CNTN5: variants seen among roughly 807,000 people sequenced by gnomAD.
The protein encoded by CNTN5 is contactin-5.
CNTN5 carries 77 observed loss-of-function variants against 129.1 expected under a neutral mutation model. The ratio of observed to expected loss-of-function variants is 0.60; its 90% CI spans 0.50 to 0.72. The LOEUF (loss-of-function observed/expected upper bound fraction) is 0.72. CNTN5 is among the 30% of genes least tolerant of loss of function. The pLI is 0.00. For synonymous variants in CNTN5, 509 were observed against 465.6 expected (o/e 1.09, Z -1.20); for missense variants, 1,478 against 1,328.8 (o/e 1.11, Z -1.75).
intron 3 of CNTN5, among the ~76,000 whole-genome samples, chr11:99,647,325 C>T (rs956413943): frequency 1.3e-5 from 2 of 151,960 alleles, no homozygotes; most frequent in Non-Finnish European, 2.9e-5. Context: ...GTTCTTGGCA[C>T]CTTTGTCAAA....
intron 1 of CNTN5, among the ~76,000 whole-genome samples, chr11:99,032,823 T>G (rs1449769006): frequency 5.4e-5 from 8 of 147,814 alleles, no homozygotes; most frequent in Non-Finnish European, 1.0e-4. Context: ...TTTGGTGTTT[T>G]AGACATGAAG....
intron 6 of CNTN5, among the ~76,000 whole-genome samples, chr11:99,908,827 A>T (rs559093897): frequency 4.1e-4 from 62 of 152,236 alleles, no homozygotes; most frequent in Non-Finnish European, 7.1e-4. Flanking sequence ...TGATGTAATT[A>T]AAAGTGTCTT....
chr11:99,878,879 T>TA (rs1183304262), intron 6 of CNTN5, among the ~76,000 whole-genome samples: 7 of 152,082 alleles, frequency 4.6e-5, no homozygotes, highest in Admixed American at 1.3e-4. Flanking sequence ...TAATTTTTTT[T>TA]AAAAAAAGAT....
intron 13 of CNTN5, among the ~76,000 whole-genome samples, chr11:100,136,138 G>T (rs992057616): frequency 6.6e-6 from 1 of 152,076 alleles, no homozygotes; most frequent in East Asian, 1.9e-4. Flanking sequence ...GCTCAATGAA[G>T]ATCAGATTAA....
At chr11:100,294,545 C>T (rs1325755663) in intron 18 of CNTN5, among the ~76,000 whole-genome samples, 1 of 151,626 alleles carries the variant, frequency 6.6e-6, no homozygotes, top group Non-Finnish European at 1.5e-5. Flanking sequence ...TATGTATAAA[C>T]TTGATTCTCT....
intron 18 of CNTN5, among the ~76,000 whole-genome samples, chr11:100,287,390 C>G (rs1250016463): frequency 5.3e-5 from 8 of 150,766 alleles, no homozygotes; most frequent in African/African-American, 2.0e-4. Context: ...GGAAGCCCAT[C>G]AGACTAACAG....
At chr11:100,331,863 T>C (rs1376099364) in intron 21 of CNTN5, among the ~76,000 whole-genome samples, 2 of 152,034 alleles carry the variant, frequency 1.3e-5, no homozygotes, top group African/African-American at 2.4e-5. Flanking sequence ...TTCATAGTAT[T>C]AAATGACTAG....
At chr11:99,323,452 C>T (rs529505467) in intron 1 of CNTN5, among the ~76,000 whole-genome samples, 1 of 152,126 alleles carries the variant, frequency 6.6e-6, no homozygotes, top group South Asian at 2.1e-4. Context: ...TAATTTTTTT[C>T]TTTTGCTATG....
At chr11:99,369,754 C>A (rs1341307043) in intron 2 of CNTN5, among the ~76,000 whole-genome samples, 1 of 151,966 alleles carries the variant, frequency 6.6e-6, no homozygotes, top group East Asian at 1.9e-4. Flanking sequence ...TTTTATTCAG[C>A]AAATATTTAT....
intron 2 of CNTN5, among the ~76,000 whole-genome samples, chr11:99,398,331 T>G (rs1168345150): frequency 1.3e-5 from 2 of 152,014 alleles, no homozygotes; most frequent in Non-Finnish European, 2.9e-5. Flanking sequence ...AATATATTTC[T>G]GTTCGTCTGT....
At chr11:99,393,769 C>A (rs1394454) in intron 2 of CNTN5, among the ~76,000 whole-genome samples, 151,640 of 151,798 alleles carry the variant, frequency 1, 75,742 homozygotes, top group Non-Finnish European at 1. Flanking sequence ...TAGTAACTTT[C>A]TTTGAAATTA....
At chr11:99,747,314 G>A (rs566858338) in intron 3 of CNTN5, among the ~76,000 whole-genome samples, 1 of 152,166 alleles carries the variant, frequency 6.6e-6, no homozygotes, top group Admixed American at 6.5e-5. Flanking sequence ...GTTTTTGGTG[G>A]AGTCTTTGCA....
At chr11:99,067,312 G>T (rs1865140143) in intron 1 of CNTN5, among the ~76,000 whole-genome samples, 1 of 151,886 alleles carries the variant, frequency 6.6e-6, no homozygotes, top group Non-Finnish European at 1.5e-5. Context: ...GCTCAAAGCA[G>T]CCTCACATTT....
At position 100,149,487 on chromosome 11, in the gene CNTN5, A is replaced by C. The variant is rs371724019; in HGVS notation, c.1581-41639A>C. The stretch of plus-strand genomic sequence containing the variant: ...ATAAATTCAGTTTAAAATGTAAAAA[A>C]ATTAAAGGAAAAGTGTTTGCTTTTA... On this transcript the variant is annotated intron_variant, in intron 13 of 24. Transcript: ENST00000524871. Among the ~76,000 whole-genome samples, 4 of 152,232 alleles carry C rather than the reference A, an allele frequency of 2.6e-5. No individual in the cohort carries two copies. In the East Asian group the frequency reaches 7.7e-4, roughly 29 times the overall value.
intron 3 of CNTN5, among the ~76,000 whole-genome samples, chr11:99,687,764 C>G (rs1953858462): frequency 6.6e-6 from 1 of 152,144 alleles, no homozygotes; most frequent in Non-Finnish European, 1.5e-5. Flanking sequence ...AAAATATATT[C>G]AGTTACTTGC....
chr11:99,927,134 T>A (rs1027197772), intron 7 of CNTN5, among the ~76,000 whole-genome samples: 2 of 152,148 alleles, frequency 1.3e-5, no homozygotes, highest in Non-Finnish European at 2.9e-5. Context: ...TATTTTTAAG[T>A]TTTGCCTAGA....
In CNTN5 at chr11:99,702,324, A is replaced by T. The variant is rs142136346; in HGVS notation, c.56-117220A>T. ...GACATATGAAGTATTCTTTTCTGTT[A>T]CTAGCCTTGTCACCAACCGAACACA... On this transcript the variant is annotated intron_variant, in intron 3 of 24. Coordinates refer to ENST00000524871, the MANE Select transcript of CNTN5 (RefSeq NM_014361.4). Among the ~76,000 whole-genome samples the T allele has an allele frequency of 2.9e-3, 435 of 151,090 alleles. 2 individuals carry two copies. Among genetic ancestry groups the T allele is most frequent in the South Asian group, 0.019 (94 of 4,824 alleles).
rs569060261 is a variant in CNTN5, at chr11:99,964,239, C to T, written c.877+7230C>T. ...AGAGAGGGCATCCCTGTCTTGTGCC[C>T]GTTTTCAAAGGGAATGCTTCCAGTT... On this transcript the variant is annotated intron_variant, in intron 8 of 24. Transcript: ENST00000524871. Among the ~76,000 whole-genome samples, 87 of 146,972 alleles carry T rather than the reference C, an allele frequency of 5.9e-4. No homozygotes were observed. In the South Asian group the frequency reaches 0.012, roughly 20 times the overall value.
chr11:99,591,289 A>G (rs1266903519), intron 3 of CNTN5, among the ~76,000 whole-genome samples: 1 of 151,226 alleles, frequency 6.6e-6, no homozygotes, highest in East Asian at 1.9e-4. Context: ...CCTCTCCACC[A>G]GACATCTGCT....
Sources: allele counts gnomAD v4.1 joint callset (sites outside exome capture counted in the v4.1 genomes callset), GRCh38; gene constraint gnomAD v4.1.1; transcripts MANE v1.5; gene names NCBI Gene and HGNC (gene_info 2026-07-23, HGNC 2026-07-21).